Variants in MICAL3 observed in about 807,000 individuals in gnomAD.
MICAL3 encodes [F-actin]-monooxygenase MICAL3.
In MICAL3, 62 loss-of-function variants were observed where a neutral mutation model predicts 207.4. That is an observed-to-expected ratio of 0.30 (90% CI 0.24 to 0.37). The LOEUF is 0.37. MICAL3 is among the 10% of genes least tolerant of loss of function. The pLI is 1.00. For synonymous variants in MICAL3, 1,077 were observed against 1,069.3 expected, an observed-to-expected ratio of 1.01 and a Z score of -0.14; for missense variants, 2,368 against 2,635.6, an observed-to-expected ratio of 0.90 and a Z score of 2.22.
intron 1 of MICAL3, among the ~76,000 whole-genome samples, chr22:17,964,871 G>A (rs894863029): frequency 6.6e-6 from 1 of 152,242 alleles, no homozygotes; most frequent in Non-Finnish European, 1.5e-5. Context: ...AGGGCTGGGG[G>A]TTTTCAGAAG....
chr22:17,904,461 T>C (rs1324449118), intron 3 of MICAL3, among the ~76,000 whole-genome samples, 171 bp downstream of exon 3: 1 of 152,216 alleles, frequency 6.6e-6, no homozygotes, highest in Non-Finnish European at 1.5e-5. Flanking sequence ...AACCACCACA[T>C]AGCAGGTGTT....
rs1051035182 is a variant in MICAL3 at position 17,818,344 on chromosome 22, T to C, written c.4317A>G (p.Thr1439=). The change falls in exon 26 of 32, where the codon ACA becomes ACG. Residue 1439 remains threonine (T), a synonymous_variant. Coordinates refer to ENST00000441493, the MANE Select transcript of MICAL3 (RefSeq NM_015241.3). The stretch of plus-strand genomic sequence containing the variant: ...AGGTGTTGAAGCTCTGGCTGCCCAG[T>C]GTCTTCATGTTGGAGGAGCTCCCGT... ...GLHGSSSNMK[T]LGSQSFNTSD... The C allele has an allele frequency of 1.9e-6, 3 of 1,593,734 alleles. No homozygotes were observed. The highest frequency in any genetic ancestry group is 1.7e-6 in the Non-Finnish European group (2 of 1,172,358).
chr22:17,865,218 C>T (rs1926960262), intron 18 of MICAL3, among the ~76,000 whole-genome samples: 1 of 152,028 alleles, frequency 6.6e-6, no homozygotes, highest in Non-Finnish European at 1.5e-5. Flanking sequence ...TCAAGCAATC[C>T]TCCCACCTCA....
chr22:17,907,175 C>T (rs5992897), intron 1 of MICAL3, among the ~76,000 whole-genome samples: 1 of 151,856 alleles, frequency 6.6e-6, no homozygotes, highest in African/African-American at 2.4e-5. Context: ...ACAAGGCCAT[C>T]TCGGAAACAG....
At position 17,798,775 on chromosome 22, in the gene MICAL3, G is replaced by A. The variant is rs1266523605; in HGVS notation, c.5651-7474C>T. ...TGCAAGCTCCGCCTCCCGGGTTCACGTCATTCTCCTGCCTCAGCCTCCTGA... is the reference window on the plus strand; with the variant it reads ...TGCAAGCTCCGCCTCCCGGGTTCACATCATTCTCCTGCCTCAGCCTCCTGA... On this transcript the variant is annotated intron_variant, in intron 29 of 31. Transcript: ENST00000441493. Among the ~76,000 whole-genome samples, 10 of 148,682 alleles carry A rather than the reference G, an allele frequency of 6.7e-5. No homozygotes were observed. In the East Asian group the frequency reaches 8.0e-4, roughly 12 times the overall value.
intron 16 of MICAL3, chr22:17,876,712 G>GGGAGGTTAT (rs1186104361): frequency 6.7e-6 from 1 of 149,942 alleles, no homozygotes; most frequent in Non-Finnish European, 1.5e-5. Context: ...ATGGAGGTTA[G>GGGAGGTTAT]GGAGGTTATG....
chr22:17,879,880 C>T (rs976680887), intron 16 of MICAL3, among the ~76,000 whole-genome samples: 6 of 152,128 alleles, frequency 3.9e-5, no homozygotes, highest in African/African-American at 1.2e-4. Flanking sequence ...ATAGGAGCAT[C>T]GGGCCAAAGC....
intron 1 of MICAL3, among the ~76,000 whole-genome samples, chr22:17,998,309 AAAG>A (rs1018400689): frequency 6.6e-6 from 1 of 152,152 alleles, no homozygotes; most frequent in South Asian, 2.1e-4. Context: ...CGTCTCAAAA[AAAG>A]AAGAAGAAGA....
intron 1 of MICAL3, among the ~76,000 whole-genome samples, chr22:17,948,436 T>G (rs971323341): frequency 3.3e-5 from 5 of 152,010 alleles, no homozygotes; most frequent in Admixed American, 6.6e-5. Context: ...GTGGCAGTGC[T>G]CTCCCTGCCC....
At chr22:17,832,402 G>T (rs1451923191) in intron 20 of MICAL3, among the ~76,000 whole-genome samples, 3 of 152,202 alleles carry the variant, frequency 2.0e-5, no homozygotes, top group Admixed American at 6.5e-5. Context: ...GCTGCCTGTG[G>T]GTCTGGCCCA....
chr22:17,842,740 G>A (rs759350618), intron 19 of MICAL3, among the ~76,000 whole-genome samples: 8 of 152,204 alleles, frequency 5.3e-5, no homozygotes, highest in African/African-American at 9.6e-5. Flanking sequence ...CCCTGCCTGC[G>A]TCCTTTCACC....
intron 17 of MICAL3, 30 bp from the exon 18 acceptor site, chr22:17,866,042 C>G: frequency 6.4e-7 from 1 of 1,551,970 alleles, no homozygotes; most frequent in Non-Finnish European, 8.9e-7. Flanking sequence ...GGGACAGAGG[C>G]GATGAGCCAG....
chr22:17,837,720 A>G (rs1394970171), intron 20 of MICAL3, among the ~76,000 whole-genome samples: 1 of 152,234 alleles, frequency 6.6e-6, no homozygotes, highest in Non-Finnish European at 1.5e-5. Context: ...CTTGGGATTT[A>G]TAGGCGCTTG....
At chr22:17,877,610 T>A (rs1312979419) in intron 16 of MICAL3, among the ~76,000 whole-genome samples, 9 of 149,532 alleles carry the variant, frequency 6.0e-5, no homozygotes, top group Admixed American at 4.7e-4. Flanking sequence ...TTATGGAGGA[T>A]GGCAGCAGAG....
In MICAL3 at chr22:17,906,664, T is replaced by A. The variant is rs747818071; in HGVS notation, c.149A>T (p.Tyr50Phe). Residue 50 changes from tyrosine (Y) to phenylalanine (F), a missense_variant, in exon 2 of 32, where the codon TAT becomes TTT. By Grantham distance (22) the Tyr-to-Phe change is conservative. Around this residue, in one of 4 missense-constraint regions of MICAL3, gnomAD observed 400 missense variants for 547.0 expected, o/e 0.73. Transcript: ENST00000441493. ...GTTAAGCTTGGACTTGAGCTTGTGA[T>A]AGAAGGAGCGGTAGTCCTTTGGCTT... ...ELKPKDYRSFYHKLKSKLNYW... is the reference protein window; with the variant it reads ...ELKPKDYRSFFHKLKSKLNYW... 9 of 1,613,862 alleles carry A rather than the reference T, an allele frequency of 5.6e-6. No individual in the cohort carries two copies. The highest frequency in any genetic ancestry group is 7.6e-6 in the Non-Finnish European group (9 of 1,179,858).
intron 1 of MICAL3, among the ~76,000 whole-genome samples, chr22:17,984,983 C>T (rs559514610): frequency 2.0e-5 from 3 of 152,042 alleles, no homozygotes; most frequent in East Asian, 3.9e-4. Context: ...GTGAGTGCCC[C>T]GGAAAAATGG....
intron 16 of MICAL3, chr22:17,875,192 C>A (rs765905091): frequency 1.2e-5 from 3 of 257,082 alleles, no homozygotes; most frequent in Non-Finnish European, 2.2e-5. Flanking sequence ...AGGATCAAAG[C>A]GGGTTCACAT....
Position 17,818,302 on chromosome 22 carries a change from G to A in MICAL3, c.4359C>T (p.Leu1453=). Residue 1453 remains leucine (L), a synonymous_variant, in exon 26 of 32, where the codon CTC becomes CTT. Transcript: ENST00000441493. ...QSFNTSDSAM[L]TPPSSPPPPP... ...GTGGGGGCGGGCTGGAGGGGGGCGT[G>A]AGCATGGCGGAGTCCGAGGTGTTGA... The A allele has an allele frequency of 1.3e-6, 2 of 1,537,516 alleles. No homozygotes were observed. Among genetic ancestry groups the A allele is most frequent in the Non-Finnish European group, 1.7e-6 (2 of 1,148,098 alleles).
intron 16 of MICAL3, among the ~76,000 whole-genome samples, chr22:17,873,364 C>T (rs188834915): frequency 6.6e-6 from 1 of 152,376 alleles, no homozygotes; most frequent in Non-Finnish European, 1.5e-5. Context: ...GGGTAGCGCA[C>T]GTCGCCAGCT....
Sources: gnomAD v4.1 joint callset for allele counts (sites outside exome capture counted in the v4.1 genomes callset) on GRCh38, gnomAD v4.1.1 for gene constraint, gnomAD v4.1.1 regional missense constraint, MANE v1.5 for transcripts, NCBI Gene and HGNC (gene_info 2026-07-23, HGNC 2026-07-21) for gene names.